The following MMS22L variants were observed in gnomAD, a reference collection of about 807,000 sequenced individuals.
The protein encoded by MMS22L is protein MMS22-like.
A neutral mutation model predicts 159.1 loss-of-function variants in MMS22L; 74 were observed. The observed-to-expected ratio is 0.47, with a 90% CI of 0.39 to 0.56. MMS22L has a LOEUF of 0.56. Among genes scored for constraint, MMS22L ranks in the 20% least tolerant of loss-of-function variants. MMS22L has a pLI of 0.00. For synonymous variants in MMS22L, 517 were observed against 506.9 expected (o/e 1.02, Z -0.27); for missense variants, 1,351 against 1,422.1 (o/e 0.95, Z 0.80).
chr6:97,208,385 C>G (rs1314376263), intron 14 of MMS22L, among the ~76,000 whole-genome samples: 2 of 152,038 alleles, frequency 1.3e-5, no homozygotes, highest in Non-Finnish European at 2.9e-5. Flanking sequence ...GCACTTTTAG[C>G]TGGATACCTA....
intron 2 of MMS22L, among the ~76,000 whole-genome samples, chr6:97,281,926 G>A (rs1816788248): frequency 6.6e-6 from 1 of 152,162 alleles, no homozygotes; most frequent in Non-Finnish European, 1.5e-5. Context: ...AGGATTAGAA[G>A]GAACAGGGGC....
chr6:97,142,297 T>C lies in MMS22L; in HGVS notation c.*4509A>G, dbSNP rs1800678700. The C allele has an allele frequency of 2.0e-5, 3 of 152,374 alleles. No individual in the cohort carries two copies. The highest frequency in any genetic ancestry group is 4.1e-4 in the South Asian group (2 of 4,832). 9.4% of individuals were successfully genotyped at this position (152,374 alleles called of 1,614,324 possible). A position where few individuals can be genotyped will look rare whatever the true frequency, so the allele number is the denominator to read the frequency against. On this transcript the variant is annotated 3_prime_UTR_variant, in exon 25 of 25. Coordinates refer to ENST00000683635, the MANE Select transcript of MMS22L (RefSeq NM_001350599.2). ...ACAAATGCAATGAATTGGATAGCCA[T>C]TGGCACATCAAAAATTTTAATAAGT...
intron 11 of MMS22L, among the ~76,000 whole-genome samples, chr6:97,236,389 A>G (rs1174556348): frequency 6.6e-6 from 1 of 152,004 alleles, no homozygotes; most frequent in Non-Finnish European, 1.5e-5. Flanking sequence ...AGAGCAGAAA[A>G]GCAAACATTC....
At chr6:97,277,167 C>T (rs1033066983) in intron 4 of MMS22L, among the ~76,000 whole-genome samples, 7 of 152,128 alleles carry the variant, frequency 4.6e-5, no homozygotes, top group Admixed American at 2.0e-4. Flanking sequence ...GTAATCCCAG[C>T]GCTTTGGGAG....
At chr6:97,195,258 A>T (rs1452243022) in intron 14 of MMS22L, among the ~76,000 whole-genome samples, 2 of 152,198 alleles carry the variant, frequency 1.3e-5, no homozygotes, top group Admixed American at 6.5e-5. Context: ...AACAACAACC[A>T]GGAGTCCAAA....
chr6:97,278,134 T>C (rs1816418731), intron 4 of MMS22L, among the ~76,000 whole-genome samples: 1 of 152,176 alleles, frequency 6.6e-6, no homozygotes. Context: ...ATACATGCGG[T>C]GGCTCATGCC....
At chr6:97,228,174 C>T (rs1418041637) in intron 14 of MMS22L, among the ~76,000 whole-genome samples, 2 of 152,152 alleles carry the variant, frequency 1.3e-5, no homozygotes, top group African/African-American at 2.4e-5. Context: ...GACATGAGCT[C>T]ATGATCTTGC....
rs146290894 is a variant in MMS22L, at chr6:97,244,596, C to T, written c.1182+2032G>A. 1.5e-3 allele frequency among the ~76,000 whole-genome samples: 235 copies of T among 152,280 alleles called. 1 individual carries two copies. The highest frequency in any genetic ancestry group is 5.5e-3 in the African/African-American group (229 of 41,552). On this transcript the variant is annotated intron_variant, in intron 11 of 24. Transcript: ENST00000683635. ...TGAAAAGACTAGACTGGCTTAGTCT[C>T]ACATCCTACATTTTTCTCCCGTGCT...
intron 15 of MMS22L, among the ~76,000 whole-genome samples, chr6:97,186,290 G>C (rs1004251768): frequency 2.0e-5 from 3 of 152,064 alleles, no homozygotes; most frequent in Non-Finnish European, 4.4e-5. Context: ...TTTCAGGATA[G>C]AAAATTATCT....
At position 97,233,868 on chromosome 6, in the gene MMS22L, T is replaced by G; in HGVS notation, c.1295A>C (p.Lys432Thr). ...CCTATTCTATTCACTCACCAGGTTC[T>G]TACTATAATATTCCCATAAAATGGT... ...IVTILWEYYS[K>T]NLNSSFSISW... Residue 432 changes from lysine to threonine, a missense_variant, in exon 12 of 25, where the codon AAG becomes ACG. Transcript: ENST00000683635. 1 of 1,602,976 alleles carries G rather than the reference T, an allele frequency of 6.2e-7. No individual in the cohort carries two copies. Among genetic ancestry groups the G allele is most frequent in the Non-Finnish European group, 8.5e-7 (1 of 1,175,818 alleles).
In MMS22L at chr6:97,186,520, G is replaced by C. The variant is rs1041979811; in HGVS notation, c.2210C>G (p.Ser737Ter). ...ACCTGCAGCTGCATCCGCAAGTTGTGAGAAAGGCACTACCTGTGACATTCT... is the reference window on the plus strand; with the variant it reads ...ACCTGCAGCTGCATCCGCAAGTTGTCAGAAAGGCACTACCTGTGACATTCT... ...SQRMSQVVPF[S>*]QLADAAADFT... Residue 737 changes from serine to a stop codon, truncating the protein, a stop_gained, in exon 15 of 25, where the codon TCA becomes TGA. Coordinates refer to ENST00000683635, the MANE Select transcript of MMS22L (RefSeq NM_001350599.2). LOFTEE classifies it high-confidence loss of function. 1.2e-6 allele frequency: 2 copies of C among 1,612,512 alleles called. No individual in the cohort carries two copies. The highest frequency in any genetic ancestry group is 2.2e-5 in the South Asian group (2 of 90,904).
chr6:97,258,214 G>A (rs906131745), intron 9 of MMS22L, among the ~76,000 whole-genome samples: 1 of 152,118 alleles, frequency 6.6e-6, no homozygotes, highest in South Asian at 2.1e-4. Flanking sequence ...TCTTTAAAAA[G>A]TGAGGTAAAA....
At chr6:97,254,500 C>T in intron 10 of MMS22L, 57 bp downstream of exon 10, 3 of 1,395,168 alleles carry the variant, frequency 2.2e-6, no homozygotes, top group East Asian at 2.5e-5. Context: ...CTAATTTGTC[C>T]AAATAATTAC....
rs911960072 is a variant in MMS22L at position 97,145,588 on chromosome 6, C to A, written c.*1218G>T. On this transcript the variant is annotated 3_prime_UTR_variant, in exon 25 of 25. Transcript: ENST00000683635. ...AGGTGTTCTTTGCCTTAATTGTGCA[C>A]GAGTAATAAACTAATCGTGTCTGTA... 2 of 152,106 alleles carry A rather than the reference C, an allele frequency of 1.3e-5. No homozygotes were observed. Among genetic ancestry groups the A allele is most frequent in the Admixed American group, 6.5e-5 (1 of 15,276 alleles). The allele number at this position is 152,106 out of a possible 1,614,324, so 9.4% of individuals were successfully genotyped here. A position where few individuals can be genotyped will look rare whatever the true frequency, so the allele number is the denominator to read the frequency against.
intron 14 of MMS22L, among the ~76,000 whole-genome samples, chr6:97,195,210 A>C (rs76384881): frequency 1.8e-4 from 28 of 152,312 alleles, no homozygotes; most frequent in Non-Finnish European, 3.1e-4. Context: ...GAAAAAGTGC[A>C]AAGGTGCTGG....
chr6:97,256,755 A>C (rs1813857096), intron 9 of MMS22L, among the ~76,000 whole-genome samples: 1 of 152,104 alleles, frequency 6.6e-6, no homozygotes, highest in African/African-American at 2.4e-5. Flanking sequence ...GTTCGAGACC[A>C]ACCTGGGCAG....
At chr6:97,274,624 C>G (rs1343649072) in intron 4 of MMS22L, among the ~76,000 whole-genome samples, 1 of 151,980 alleles carries the variant, frequency 6.6e-6, no homozygotes, top group Non-Finnish European at 1.5e-5. Flanking sequence ...AGGAAGAGAA[C>G]CCAAATACAG....
intron 8 of MMS22L, chr6:97,267,282 T>C (rs1376735136): frequency 2.6e-5 from 4 of 152,140 alleles, no homozygotes; most frequent in African/African-American, 7.2e-5. Context: ...GTCTTTACGC[T>C]TGTAATCTAA....
At chr6:97,237,270 A>C (rs1811521887) in intron 11 of MMS22L, among the ~76,000 whole-genome samples, 1 of 152,210 alleles carries the variant, frequency 6.6e-6, no homozygotes, top group Non-Finnish European at 1.5e-5. Flanking sequence ...CACTAGCAGA[A>C]ATAGTGTACA....
Sources: gnomAD v4.1 joint callset for allele counts (sites outside exome capture counted in the v4.1 genomes callset) on GRCh38, gnomAD v4.1.1 for gene constraint, MANE v1.5 for transcripts, NCBI Gene and HGNC (gene_info 2026-07-23, HGNC 2026-07-21) for gene names.